The following RFX3 variants were observed in gnomAD, a reference collection of about 807,000 sequenced individuals.
RFX3 encodes the protein transcription factor RFX3.
In RFX3, 14 loss-of-function variants were observed where a neutral mutation model predicts 98.6. That is an observed-to-expected ratio of 0.14 (90% confidence interval 0.09 to 0.22). RFX3 has a LOEUF of 0.22. RFX3 is among the 10% of genes least tolerant of loss of function. The pLI is 1.00. For synonymous variants in RFX3, 383 were observed against 328.4 expected, an observed-to-expected ratio of 1.17 and a Z score of -1.80; for missense variants, 639 against 926.9, an observed-to-expected ratio of 0.69 and a Z score of 4.03.
At chr9:3,262,801 T>A in intron 13 of RFX3, 134 bp downstream of exon 13, 2 of 924,612 alleles carry the variant, frequency 2.2e-6, no homozygotes, top group East Asian at 5.0e-5. Context: ...CAAACTCCTC[T>A]CTTTCAGAAC....
chr9:3,286,025 A>G (rs1175339433), intron 7 of RFX3, among the ~76,000 whole-genome samples: 1 of 151,882 alleles, frequency 6.6e-6, no homozygotes, highest in African/African-American at 2.4e-5. Flanking sequence ...CAGTTAAATC[A>G]CAGGAAATTC....
intron 16 of RFX3, among the ~76,000 whole-genome samples, chr9:3,226,662 G>T (rs1470971082): frequency 6.6e-6 from 1 of 152,198 alleles, no homozygotes; most frequent in Non-Finnish European, 1.5e-5. Flanking sequence ...ATTTGAGTGT[G>T]TCAGAACAAG....
At chr9:3,475,539 C>G (rs931401048) in intron 1 of RFX3, among the ~76,000 whole-genome samples, 6 of 152,166 alleles carry the variant, frequency 3.9e-5, no homozygotes, top group East Asian at 1.9e-4. Context: ...AGAGAGAGGA[C>G]AGCTTATGCT....
chr9:3,287,075 T>C (rs913810149), intron 7 of RFX3, among the ~76,000 whole-genome samples: 1 of 151,942 alleles, frequency 6.6e-6, no homozygotes, highest in Non-Finnish European at 1.5e-5. Context: ...CCCCTTCTAA[T>C]TTTTTAACTC....
Position 3,248,091 on chromosome 9 carries a change from A to G in RFX3, c.1909T>C (p.Leu637=). The change falls in exon 15 of 17, where the codon TTA becomes CTA. Residue 637 remains leucine, a synonymous_variant. Coordinates refer to ENST00000617270, the MANE Select transcript of RFX3 (RefSeq NM_001282116.2). ...RLLYDEYMFY[L]VEHRVAQATG... is the part of the protein sequence containing the mutation. ...GCCTGAGCAACACGATGTTCTACTAAGTAAAACATATATTCGTCGTAGAGT... is the reference window on the plus strand; with the variant it reads ...GCCTGAGCAACACGATGTTCTACTAGGTAAAACATATATTCGTCGTAGAGT... 1 of 1,614,056 alleles carries G rather than the reference A, an allele frequency of 6.2e-7. No homozygotes were observed. The highest frequency in any genetic ancestry group is 8.5e-7 in the Non-Finnish European group (1 of 1,179,928).
intron 4 of RFX3, among the ~76,000 whole-genome samples, chr9:3,302,743 T>G (rs372568537): frequency 2.2e-4 from 33 of 151,980 alleles, no homozygotes; most frequent in African/African-American, 7.2e-4. Flanking sequence ...TGCAGTAATA[T>G]CTATAGCAAA....
intron 1 of RFX3, among the ~76,000 whole-genome samples, chr9:3,482,381 G>A (rs1587823731): frequency 6.6e-6 from 1 of 152,020 alleles, no homozygotes; most frequent in Non-Finnish European, 1.5e-5. Context: ...TGACAATAAT[G>A]CTCAAGCAGA....
intron 15 of RFX3, among the ~76,000 whole-genome samples, chr9:3,238,929 G>T (rs1819540827): frequency 6.6e-6 from 1 of 151,470 alleles, no homozygotes; most frequent in Non-Finnish European, 1.5e-5. Context: ...GGAGGCAGAG[G>T]CTGTGTCATA....
At position 3,220,126 on chromosome 9, in the gene RFX3, C is replaced by T. The variant is rs560034999; in HGVS notation, c.*4916G>A. On this transcript the variant is annotated 3_prime_UTR_variant, in exon 17 of 17. Coordinates refer to ENST00000617270, the MANE Select transcript of RFX3 (RefSeq NM_001282116.2). The stretch of plus-strand genomic sequence containing the variant: ...ATTCTATCTATATATAATTTTTTGA[C>T]AACGTATTAAAGTTTTGGAGCATAG... 5 of 152,220 alleles carry T rather than the reference C, an allele frequency of 3.3e-5. No individual in the cohort carries two copies. Among genetic ancestry groups the T allele is most frequent in the Non-Finnish European group, 7.4e-5 (5 of 68,020 alleles). The allele number at this position is 152,220 out of a possible 1,614,324, so 9.4% of individuals were successfully genotyped here.
At chr9:3,520,578 C>T (rs1045423573) in intron 1 of RFX3, among the ~76,000 whole-genome samples, 2 of 152,172 alleles carry the variant, frequency 1.3e-5, no homozygotes, top group Non-Finnish European at 2.9e-5. Context: ...GTATATGGCA[C>T]ACAGTAGGGC....
At chr9:3,450,501 T>C (rs1846493697) in intron 1 of RFX3, among the ~76,000 whole-genome samples, 1 of 152,198 alleles carries the variant, frequency 6.6e-6, no homozygotes, top group African/African-American at 2.4e-5. Flanking sequence ...TTCTTTCTTT[T>C]AAAAAGAACA....
intron 1 of RFX3, chr9:3,489,393 T>G (rs1265327304): frequency 1.0e-6 from 1 of 983,750 alleles, no homozygotes; most frequent in Non-Finnish European, 1.2e-6. Context: ...GTGGAAGGCC[T>G]GTCTTTAAAG....
intron 1 of RFX3, among the ~76,000 whole-genome samples, chr9:3,520,093 G>C (rs1818558714): frequency 6.6e-6 from 1 of 152,144 alleles, no homozygotes; most frequent in Admixed American, 6.5e-5. Context: ...CTGAGTGACA[G>C]AGCAAAACCC....
chr9:3,474,783 A>G (rs1849080737), intron 1 of RFX3, among the ~76,000 whole-genome samples: 1 of 152,164 alleles, frequency 6.6e-6, no homozygotes, highest in African/African-American at 2.4e-5. Context: ...ATCAATCTAA[A>G]TGTCTGTGAA....
rs537874642 is a variant in RFX3 at position 3,348,689 on chromosome 9, G to A, written c.118-1925C>T. Among the ~76,000 whole-genome samples the A allele has an allele frequency of 1.9e-3, 287 of 151,928 alleles. 1 individual carries two copies. The highest frequency in any genetic ancestry group is 3.9e-3 in the Admixed American group (60 of 15,228). On this transcript the variant is annotated intron_variant, in intron 2 of 16. Coordinates refer to ENST00000617270, the MANE Select transcript of RFX3 (RefSeq NM_001282116.2). ...CCCCCAGTACCCTCCAGAGGTGATC[G>A]GTGTGGTTTTTTATTTTGTTTTTGT...
chr9:3,358,148 A>C (rs1835990531), intron 2 of RFX3, among the ~76,000 whole-genome samples: 1 of 152,152 alleles, frequency 6.6e-6, no homozygotes, highest in African/African-American at 2.4e-5. Flanking sequence ...TTGTGTATAA[A>C]ATAAAAATGA....
chr9:3,309,761 T>C, intron 4 of RFX3, among the ~76,000 whole-genome samples: 1 of 152,216 alleles, frequency 6.6e-6, no homozygotes, highest in Non-Finnish European at 1.5e-5. Context: ...ATTTTTCCTA[T>C]TATAAGGGAA....
intron 1 of RFX3, among the ~76,000 whole-genome samples, chr9:3,509,968 C>G (rs764159868): frequency 4.0e-5 from 6 of 151,884 alleles, no homozygotes; most frequent in Non-Finnish European, 7.4e-5. Context: ...TTGATAACTT[C>G]CCAAGTCCAT....
intron 1 of RFX3, among the ~76,000 whole-genome samples, chr9:3,428,737 A>T (rs114734039): frequency 0.011 from 1,646 of 152,286 alleles, 26 homozygotes; most frequent in African/African-American, 0.038. Context: ...TCTGTCCCCA[A>T]ACTACAACAG....
Sources: gnomAD v4.1 joint callset for allele counts (sites outside exome capture counted in the v4.1 genomes callset) on GRCh38, gnomAD v4.1.1 for gene constraint, MANE v1.5 for transcripts, NCBI Gene and HGNC (gene_info 2026-07-23, HGNC 2026-07-21) for gene names.